Variants in PLA2G4A observed in about 807,000 individuals in gnomAD.
The protein encoded by PLA2G4A is cytosolic phospholipase A2.
Under a neutral mutation model 81.9 loss-of-function variants are expected in PLA2G4A, and 40 were observed. The observed-to-expected ratio is 0.49, with a 90% CI of 0.38 to 0.64. The LOEUF (loss-of-function observed/expected upper bound fraction) is 0.64, where lower values mean the gene tolerates loss of function less well. PLA2G4A is among the 30% of genes least tolerant of loss of function. The probability of loss-of-function intolerance (pLI) is 0.00; values close to 1 mark genes in which losing one functional copy is unlikely to be tolerated. For synonymous variants in PLA2G4A, 302 were observed against 296.9 expected (o/e 1.02, Z -0.18); for missense variants, 715 against 905.1 (o/e 0.79, Z 2.69).
chr1:186,912,683 T>A (rs1350306665), intron 7 of PLA2G4A, among the ~76,000 whole-genome samples: 1 of 148,808 alleles, frequency 6.7e-6, no homozygotes, highest in Non-Finnish European at 1.5e-5. Flanking sequence ...ATTGTCTGGA[T>A]GTACCACATT....
intron 1 of PLA2G4A, among the ~76,000 whole-genome samples, chr1:186,844,762 T>C (rs1652110868): frequency 6.6e-6 from 1 of 152,224 alleles, no homozygotes; most frequent in South Asian, 2.1e-4. Context: ...GTTGTGCACA[T>C]GTACCCTAAA....
intron 15 of PLA2G4A, among the ~76,000 whole-genome samples, chr1:186,975,554 A>T (rs1204642799): frequency 6.6e-6 from 1 of 152,234 alleles, no homozygotes; most frequent in Non-Finnish European, 1.5e-5. Context: ...CAGCAATCCT[A>T]TGAGAAAGGC....
intron 6 of PLA2G4A, among the ~76,000 whole-genome samples, chr1:186,908,954 A>ATTTCT (rs1257532934): frequency 4.3e-5 from 6 of 140,720 alleles, no homozygotes; most frequent in African/African-American, 1.3e-4. Flanking sequence ...TAAGATTTTA[A>ATTTCT]TTTCTTTTCT....
At chr1:186,837,070 A>G (rs1297843901) in intron 1 of PLA2G4A, among the ~76,000 whole-genome samples, 1 of 152,180 alleles carries the variant, frequency 6.6e-6, no homozygotes, top group Non-Finnish European at 1.5e-5. Flanking sequence ...CTAGATGGAA[A>G]ACCAGGTATT....
intron 3 of PLA2G4A, among the ~76,000 whole-genome samples, chr1:186,881,550 A>G (rs1301793965): frequency 6.6e-6 from 1 of 152,106 alleles, no homozygotes; most frequent in Non-Finnish European, 1.5e-5. Context: ...TGGAGGGAGC[A>G]GGGGCTGCTA....
chr1:186,857,645 G>A (rs1652639723), intron 2 of PLA2G4A, among the ~76,000 whole-genome samples: 1 of 149,658 alleles, frequency 6.7e-6, no homozygotes, highest in Admixed American at 6.8e-5. Flanking sequence ...TAGGGTACAT[G>A]TGCACAACGT....
chr1:186,953,907 T>G (rs1656651544), intron 13 of PLA2G4A, among the ~76,000 whole-genome samples: 1 of 152,140 alleles, frequency 6.6e-6, no homozygotes, highest in Non-Finnish European at 1.5e-5. Context: ...GCTGTGTAAC[T>G]AGAGATAGAA....
Position 186,988,509 on chromosome 1 carries a change from T to A in PLA2G4A, c.*1T>A, listed in dbSNP as rs780456554. 2 of 1,611,006 alleles carry A rather than the reference T, an allele frequency of 1.2e-6. No homozygotes were observed. Among genetic ancestry groups the A allele is most frequent in the Non-Finnish European group, 1.7e-6 (2 of 1,178,078 alleles). ...GTTTCTAAGTAAACCCAAAGCATAG[T>A]TCATGTACTGGAAATGGCAGCAGTT... On this transcript the variant is annotated 3_prime_UTR_variant, in exon 18 of 18. Transcript: ENST00000367466.
chr1:186,909,134 C>A (rs1374952651), intron 6 of PLA2G4A, among the ~76,000 whole-genome samples: 2 of 150,228 alleles, frequency 1.3e-5, no homozygotes, highest in Non-Finnish European at 1.5e-5. Context: ...CCACCACGCC[C>A]GGCTAATTTT....
chr1:186,917,304 C>G (rs1270014634), intron 7 of PLA2G4A, among the ~76,000 whole-genome samples: 2 of 152,142 alleles, frequency 1.3e-5, no homozygotes, highest in African/African-American at 4.8e-5. Flanking sequence ...CGCTGTAATT[C>G]AATTCACCTA....
intron 15 of PLA2G4A, among the ~76,000 whole-genome samples, chr1:186,971,306 G>C (rs6696994): frequency 6.6e-6 from 1 of 151,950 alleles, no homozygotes; most frequent in African/African-American, 2.4e-5. Context: ...GCTTTATTAT[G>C]TGCCTACTAT....
intron 1 of PLA2G4A, among the ~76,000 whole-genome samples, chr1:186,832,922 C>T (rs898635519): frequency 6.6e-6 from 1 of 152,016 alleles, no homozygotes; most frequent in African/African-American, 2.4e-5. Context: ...AAACCTTTCC[C>T]TTAAAAATGG....
intron 7 of PLA2G4A, 52 bp downstream of exon 7, chr1:186,911,441 G>A: frequency 7.4e-7 from 1 of 1,346,056 alleles, no homozygotes; most frequent in Non-Finnish European, 1.1e-6. Flanking sequence ...AATTTAGCTT[G>A]GACAATTTCC....
rs575000961 is a variant in PLA2G4A at position 186,939,319 on chromosome 1, C to T, written c.918+89C>T. The T allele has an allele frequency of 3.7e-4, 220 of 589,000 alleles. 6 individuals carry two copies. The South Asian group carries it at 5.7e-3, about 15-fold the overall frequency. The allele number at this position is 589,000 out of a possible 1,614,324, so 36.5% of individuals were successfully genotyped here. Reference sequence around the variant, plus strand: ...ATTTTAAATAAAAGAAAATGTAATACATTTTATAAAAGTCAGTGGACTCTA... The same window carrying T: ...ATTTTAAATAAAAGAAAATGTAATATATTTTATAAAAGTCAGTGGACTCTA... On this transcript the variant is annotated intron_variant, in intron 9 of 17. Transcript: ENST00000367466.
intron 10 of PLA2G4A, among the ~76,000 whole-genome samples, chr1:186,942,453 C>T (rs557086745): frequency 6.6e-6 from 1 of 152,256 alleles, no homozygotes; most frequent in East Asian, 1.9e-4. Flanking sequence ...GTCATGTAAT[C>T]TCTGATTCTT....
At position 186,956,351 on chromosome 1, in the gene PLA2G4A, G is replaced by T. The variant is rs752000570; in HGVS notation, c.1579+7G>T. The T allele has an allele frequency of 8.2e-5, 132 of 1,612,876 alleles. No individual in the cohort carries two copies. Among genetic ancestry groups the T allele is most frequent in the Non-Finnish European group, 1.1e-4 (128 of 1,178,986 alleles). ...CTGGATGCAGCTGTAGCAGGTAAGTGTACAAATATAATTAGTGGGAGCTAA... is the reference window on the plus strand; with the variant it reads ...CTGGATGCAGCTGTAGCAGGTAAGTTTACAAATATAATTAGTGGGAGCTAA... On this transcript the variant is annotated splice_region_variant and intron_variant, in intron 14 of 17. Coordinates refer to ENST00000367466, the MANE Select transcript of PLA2G4A (RefSeq NM_024420.3).
intron 5 of PLA2G4A, 21 bp from the exon 6 acceptor site, chr1:186,906,944 G>T: frequency 7.4e-7 from 1 of 1,359,036 alleles, no homozygotes; most frequent in South Asian, 1.2e-5. Context: ...GACCTAATCT[G>T]ATTAACATGT....
intron 3 of PLA2G4A, among the ~76,000 whole-genome samples, chr1:186,892,117 T>G (rs1486275634): frequency 6.6e-6 from 1 of 152,212 alleles, no homozygotes; most frequent in Non-Finnish European, 1.5e-5. Flanking sequence ...TCAAATCATT[T>G]GCTCATTTTG....
At chr1:186,884,723 C>A (rs555022430) in intron 3 of PLA2G4A, among the ~76,000 whole-genome samples, 29 of 151,818 alleles carry the variant, frequency 1.9e-4, no homozygotes, top group Non-Finnish European at 2.9e-4. Context: ...ACTAAAAACA[C>A]AAAAAATTAG....
Sources: allele counts gnomAD v4.1 joint callset (sites outside exome capture counted in the v4.1 genomes callset), GRCh38; gene constraint gnomAD v4.1.1; transcripts MANE v1.5; gene names NCBI Gene and HGNC (gene_info 2026-07-23, HGNC 2026-07-21).